Variants in PCDHA9 observed in about 807,000 individuals in gnomAD.
PCDHA9 encodes protocadherin alpha-9.
A neutral mutation model predicts 62.0 loss-of-function variants in PCDHA9; 62 were observed. The observed-to-expected ratio is 1.00, with a 90% CI of 0.81 to 1.23. The LOEUF (loss-of-function observed/expected upper bound fraction) is 1.23, where lower values mean the gene tolerates loss of function less well. Among genes scored for constraint, PCDHA9 ranks in the 50% most tolerant of loss-of-function variants. The pLI, the probability that PCDHA9 is intolerant of heterozygous loss-of-function variation, is 0.00. For synonymous variants in PCDHA9, 557 were observed against 567.6 expected (o/e 0.98, Z 0.27); for missense variants, 1,205 against 1,249.8 (o/e 0.96, Z 0.54).
At chr5:140,941,754 T>A (rs2093159057) in intron 1 of PCDHA9, among the ~76,000 whole-genome samples, 1 of 152,256 alleles carries the variant, frequency 6.6e-6, no homozygotes, top group African/African-American at 2.4e-5. Context: ...AGATTTTCAG[T>A]GCTTTTAAGA....
chr5:140,931,304 G>A (rs1218460625), intron 1 of PCDHA9, among the ~76,000 whole-genome samples: 13 of 152,056 alleles, frequency 8.5e-5, no homozygotes, highest in Non-Finnish European at 1.9e-4. Context: ...CAAAAAGAGA[G>A]GAGAATACCA....
At chr5:140,870,886 G>A (rs17844350) in intron 1 of PCDHA9, 1 of 1,613,944 alleles carries the variant, frequency 6.2e-7, no homozygotes, top group East Asian at 2.2e-5. Flanking sequence ...GAAGGTGCGC[G>A]CAGTGGATGC....
chr5:140,888,067 T>G (rs1392142536), intron 1 of PCDHA9, among the ~76,000 whole-genome samples: 1 of 152,224 alleles, frequency 6.6e-6, no homozygotes, highest in Admixed American at 6.5e-5. Context: ...CTTTCTTGTC[T>G]GCTAATTTCA....
At chr5:140,851,909 A>G in intron 1 of PCDHA9, 1 of 970,994 alleles carries the variant, frequency 1.0e-6, no homozygotes, top group Non-Finnish European at 1.2e-6. Context: ...CTTTAATGTC[A>G]CTACATGTTA....
At chr5:140,938,469 T>C (rs1172900934) in intron 1 of PCDHA9, among the ~76,000 whole-genome samples, 1 of 152,218 alleles carries the variant, frequency 6.6e-6, no homozygotes, top group South Asian at 2.1e-4. Flanking sequence ...TAATTTATTA[T>C]GTTTTTTAAA....
At chr5:140,902,846 A>G (rs1119032) in intron 1 of PCDHA9, among the ~76,000 whole-genome samples, 22,643 of 152,174 alleles carry the variant, frequency 0.15, 1,744 homozygotes, top group Middle Eastern at 0.2. Flanking sequence ...CTTCACTTAG[A>G]AAAATGGCGT....
At position 140,982,568 on chromosome 5, in the gene PCDHA9, A is replaced by G. The variant is rs1158399397; in HGVS notation, c.2542+5A>G. 6.2e-7 allele frequency: 1 copy of G among 1,613,890 alleles called. No individual in the cohort carries two copies. The highest frequency in any genetic ancestry group is 8.5e-7 in the Non-Finnish European group (1 of 1,179,906). On this transcript the variant is annotated splice_donor_5th_base_variant and intron_variant, in intron 3 of 3. Coordinates refer to ENST00000532602, the MANE Select transcript of PCDHA9 (RefSeq NM_031857.2). ...CAGTATCCAGTGCAACACCAGGTAA[A>G]GAGCTGGGGTCTCTCCATTCTTTCT...
intron 1 of PCDHA9, chr5:140,968,073 A>G: frequency 6.2e-7 from 1 of 1,614,142 alleles, no homozygotes; most frequent in African/African-American, 1.3e-5. Flanking sequence ...GCTGTCTACA[A>G]CATCACGGTG....
At chr5:140,998,008 T>C (rs1447849810) in intron 3 of PCDHA9, among the ~76,000 whole-genome samples, 6 of 152,128 alleles carry the variant, frequency 3.9e-5, no homozygotes, top group East Asian at 1.9e-4. Flanking sequence ...GAGCCTTCCA[T>C]CCCCACCTCG....
chr5:140,856,448 G>GT (rs1562509895), intron 1 of PCDHA9: 1 of 1,598,390 alleles, frequency 6.3e-7, no homozygotes, highest in East Asian at 2.2e-5. Flanking sequence ...CAGGTTCTCC[G>GT]TAACAGAACA....
chr5:140,861,234 C>T (rs868927537), intron 1 of PCDHA9: 7 of 166,456 alleles, frequency 4.2e-5, no homozygotes, highest in Middle Eastern at 2.9e-3. Context: ...ATTTTAGCTG[C>T]TAGACAAAGT....
intron 3 of PCDHA9, among the ~76,000 whole-genome samples, chr5:141,007,395 C>CAAAAAAAAAA (rs35800918): frequency 8.4e-5 from 8 of 94,862 alleles, no homozygotes; most frequent in African/African-American, 1.7e-4. Flanking sequence ...TACTAAAATA[C>CAAAAAAAAAA]AAAAAAAAAA....
chr5:140,871,522 A>T, intron 1 of PCDHA9: 1 of 1,549,186 alleles, frequency 6.5e-7, no homozygotes, highest in Non-Finnish European at 8.7e-7. Flanking sequence ...TCCACCTATC[A>T]GGAAGTGTAT....
chr5:140,890,192 T>G (rs2062533503), intron 1 of PCDHA9, among the ~76,000 whole-genome samples: 1 of 151,744 alleles, frequency 6.6e-6, no homozygotes, highest in South Asian at 2.1e-4. Flanking sequence ...CAAAACAGAG[T>G]TTTTTGTTTT....
Position 140,883,460 on chromosome 5 carries a change from G to C in PCDHA9, c.2394+32571G>C, listed in dbSNP as rs1554178305. 4 of 1,614,138 alleles carry C rather than the reference G, an allele frequency of 2.5e-6. No individual in the cohort carries two copies. The African/African-American group carries it at 5.3e-5, about 22-fold the overall frequency. On this transcript the variant is annotated intron_variant, in intron 1 of 3. Transcript: ENST00000532602. Reference sequence around the variant, plus strand: ...GACGCCGCATGTCCCCTTCAAGCTGGTGTCCACCTACAAGAACTACTACTC... The same window carrying C: ...GACGCCGCATGTCCCCTTCAAGCTGCTGTCCACCTACAAGAACTACTACTC...
chr5:140,895,881 G>A (rs1004872677), intron 1 of PCDHA9, among the ~76,000 whole-genome samples: 22 of 152,176 alleles, frequency 1.4e-4, no homozygotes, highest in East Asian at 1.9e-4. Flanking sequence ...GCGCGATCTC[G>A]GCTCACTGCA....
chr5:140,854,159 C>CAAAA (rs59855104), intron 1 of PCDHA9: 33,814 of 339,152 alleles, frequency 0.1, 739 homozygotes, highest in Middle Eastern at 0.12. Flanking sequence ...GATTCTGTCT[C>CAAAA]AAAAAAAAAA....
chr5:140,982,224 A>T, intron 2 of PCDHA9: 1 of 587,320 alleles, frequency 1.7e-6, no homozygotes, highest in South Asian at 3.8e-5. Context: ...TGGCGTTAAT[A>T]AAAAACAGAA....
At position 140,875,993 on chromosome 5, in the gene PCDHA9, T is replaced by G. The variant is rs574636926; in HGVS notation, c.2394+25104T>G. On this transcript the variant is annotated intron_variant, in intron 1 of 3. Coordinates refer to ENST00000532602, the MANE Select transcript of PCDHA9 (RefSeq NM_031857.2). The stretch of plus-strand genomic sequence containing the variant: ...TCTCTTTTGACCTATGCGTTAAGTC[T>G]AAATGAGAATTTTGAGCTTAAAATA... The G allele has an allele frequency of 3.5e-4, 564 of 1,613,988 alleles. 6 individuals are homozygous for G. In the South Asian group the frequency reaches 5.9e-3, roughly 17 times the overall value.
Sources: allele counts gnomAD v4.1 joint callset (sites outside exome capture counted in the v4.1 genomes callset), GRCh38; gene constraint gnomAD v4.1.1; transcripts MANE v1.5; gene names NCBI Gene and HGNC (gene_info 2026-07-23, HGNC 2026-07-21).